KIAA1217: variants seen among roughly 807,000 people sequenced by gnomAD.
The protein encoded by KIAA1217 is sickle tail protein homolog.
A neutral mutation model predicts 163.9 loss-of-function variants in KIAA1217; 88 were observed. The observed-to-expected ratio is 0.54, with a 90% CI of 0.45 to 0.64. The LOEUF (loss-of-function observed/expected upper bound fraction) is 0.64. Ranked by LOEUF, KIAA1217 falls within the 30% of genes least tolerant of loss-of-function variation. The pLI is 0.00. For synonymous variants in KIAA1217, 903 were observed against 923.1 expected (o/e 0.98, Z 0.39); for missense variants, 2,372 against 2,475.0 (o/e 0.96, Z 0.88).
intron 1 of KIAA1217, among the ~76,000 whole-genome samples, chr10:23,810,122 TA>T (rs1253682613): frequency 2.0e-5 from 3 of 151,930 alleles, no homozygotes; most frequent in African/African-American, 7.2e-5. Context: ...GTTAGGTGTG[TA>T]AAATGCATTG....
chr10:23,812,677 C>T lies in KIAA1217; in HGVS notation c.-321+117443C>T, dbSNP rs890568084. The stretch of plus-strand genomic sequence containing the variant: ...GAAACCCTGTGCCCACTGGCTGTGA[C>T]ACCCAACACTGCCTCCCATCAATTT... On this transcript the variant is annotated intron_variant, in intron 1 of 18. Coordinates refer to the KIAA1217 transcript ENST00000376462. 5.3e-5 allele frequency among the ~76,000 whole-genome samples: 8 copies of T among 152,086 alleles called. No individual in the cohort carries two copies. In the East Asian group the frequency reaches 1.5e-3, roughly 29 times the overall value.
chr10:23,867,242 G>A (rs1226475769), intron 1 of KIAA1217, among the ~76,000 whole-genome samples: 1 of 151,976 alleles, frequency 6.6e-6, no homozygotes, highest in African/African-American at 2.4e-5. Flanking sequence ...TCTTAATCCA[G>A]TCTATCATTA....
intron 2 of KIAA1217, among the ~76,000 whole-genome samples, chr10:24,275,252 G>A (rs1333351596): frequency 1.3e-5 from 2 of 152,192 alleles, no homozygotes; most frequent in East Asian, 3.8e-4. Context: ...AAAGTGCTGG[G>A]ATTTCAGGCA....
chr10:23,850,453 T>C (rs1289737123), intron 1 of KIAA1217, among the ~76,000 whole-genome samples: 1 of 152,092 alleles, frequency 6.6e-6, no homozygotes, highest in African/African-American at 2.4e-5. Flanking sequence ...AAAAACCAGA[T>C]GCAGAAATGC....
intron 2 of KIAA1217, among the ~76,000 whole-genome samples, chr10:24,276,929 AAAT>A (rs2077368003): frequency 6.7e-6 from 1 of 148,158 alleles, no homozygotes. Context: ...ATTAAAAAAA[AAAT>A]AAAAATCGTA....
At chr10:24,328,919 A>G (rs940344077) in intron 2 of KIAA1217, among the ~76,000 whole-genome samples, 2 of 151,898 alleles carry the variant, frequency 1.3e-5, no homozygotes, top group Admixed American at 1.3e-4. Flanking sequence ...ACATAACTTT[A>G]TAGGGTTCGC....
chr10:24,543,119 G>T lies in KIAA1217; in HGVS notation c.3849G>T (p.Gly1283=). 6.2e-7 allele frequency: 1 copy of T among 1,613,282 alleles called. No homozygotes were observed. Among genetic ancestry groups the T allele is most frequent in the Non-Finnish European group, 8.5e-7 (1 of 1,179,960 alleles). Residue 1283 remains glycine, a synonymous_variant, in exon 19 of 21, where the codon GGG becomes GGT. Coordinates refer to ENST00000376454, the MANE Select transcript of KIAA1217 (RefSeq NM_019590.5). The stretch of plus-strand genomic sequence containing the variant: ...CATTAGAAGATGAAATAAACAAAGG[G>T]TCTAAAATCTCAGGCCTGCAATACT... The part of the protein sequence containing the change: ...ISPLEDEINK[G]SKISGLQYSI...
chr10:23,788,694 C>A (rs1169214491), intron 1 of KIAA1217, among the ~76,000 whole-genome samples: 1 of 152,194 alleles, frequency 6.6e-6, no homozygotes, highest in African/African-American at 2.4e-5. Context: ...ACAGCAGCTT[C>A]CTGACTGTAC....
intron 2 of KIAA1217, among the ~76,000 whole-genome samples, chr10:24,184,980 T>C (rs1466102029): frequency 6.6e-6 from 1 of 152,204 alleles, no homozygotes; most frequent in Admixed American, 6.5e-5. Context: ...ATTTATAAAA[T>C]ATATGTTTCT....
chr10:24,422,058 A>G (rs2058773734), intron 3 of KIAA1217, among the ~76,000 whole-genome samples: 1 of 152,166 alleles, frequency 6.6e-6, no homozygotes, highest in Admixed American at 6.5e-5. Context: ...ATGAGGAGTA[A>G]AGTCACATCT....
intron 2 of KIAA1217, among the ~76,000 whole-genome samples, chr10:24,315,878 T>C (rs1311193747): frequency 6.6e-6 from 1 of 150,700 alleles, no homozygotes; most frequent in East Asian, 2.0e-4. Context: ...GACTTTAACT[T>C]TGGATCATTT....
chr10:23,835,486 C>T (rs1838401004), intron 1 of KIAA1217, among the ~76,000 whole-genome samples: 1 of 152,110 alleles, frequency 6.6e-6, no homozygotes, highest in Non-Finnish European at 1.5e-5. Context: ...AGGTCTGTGA[C>T]CTGAGGCATT....
chr10:24,396,090 A>G (rs889610360), intron 3 of KIAA1217, among the ~76,000 whole-genome samples: 5 of 152,216 alleles, frequency 3.3e-5, no homozygotes, highest in African/African-American at 1.2e-4. Context: ...TAATCACAGC[A>G]CTTTGGGAGA....
At chr10:24,063,195 T>C (rs1215521087) in intron 2 of KIAA1217, among the ~76,000 whole-genome samples, 1 of 152,224 alleles carries the variant, frequency 6.6e-6, no homozygotes, top group Non-Finnish European at 1.5e-5. Context: ...TTTGGTGTTT[T>C]AGACATGAAG....
At chr10:24,328,095 CCTG>C (rs2045171643) in intron 2 of KIAA1217, among the ~76,000 whole-genome samples, 1 of 152,106 alleles carries the variant, frequency 6.6e-6, no homozygotes, top group Admixed American at 6.6e-5. Flanking sequence ...TGGTCTAGGT[CCTG>C]CTGCTTACCT....
chr10:23,770,158 T>C (rs1421264151), intron 1 of KIAA1217, among the ~76,000 whole-genome samples: 1 of 152,208 alleles, frequency 6.6e-6, no homozygotes, highest in Non-Finnish European at 1.5e-5. Context: ...ACATCATGTA[T>C]GAGGAAATTG....
intron 2 of KIAA1217, among the ~76,000 whole-genome samples, chr10:24,231,194 C>T (rs2071361525): frequency 6.6e-6 from 1 of 152,130 alleles, no homozygotes; most frequent in South Asian, 2.1e-4. Context: ...TGCCTGTAGT[C>T]CCAGCTACTT....
At chr10:24,097,801 T>C (rs2062221057) in intron 2 of KIAA1217, among the ~76,000 whole-genome samples, 1 of 152,138 alleles carries the variant, frequency 6.6e-6, no homozygotes, top group African/African-American at 2.4e-5. Flanking sequence ...TGAAGTGAAA[T>C]CATTATTTAT....
intron 2 of KIAA1217, among the ~76,000 whole-genome samples, chr10:24,248,904 T>C (rs1364357055): frequency 1.3e-5 from 2 of 152,180 alleles, no homozygotes; most frequent in Non-Finnish European, 1.5e-5. Flanking sequence ...AAGTCAAGAA[T>C]AGAAGGCACA....
Sources: allele counts gnomAD v4.1 joint callset (sites outside exome capture counted in the v4.1 genomes callset), GRCh38; gene constraint gnomAD v4.1.1; transcripts MANE v1.5; gene names NCBI Gene and HGNC (gene_info 2026-07-23, HGNC 2026-07-21).